The following ANKS1A variants were observed in gnomAD, a reference collection of about 807,000 sequenced individuals.
ANKS1A encodes ankyrin repeat and sterile alpha motif domain containing 1A.
In ANKS1A, 55 loss-of-function variants were observed where a neutral mutation model predicts 120.3. The observed-to-expected ratio is 0.46, with a 90% CI of 0.37 to 0.57. ANKS1A has a LOEUF of 0.57. Ranked by LOEUF, ANKS1A falls within the 20% of genes least tolerant of loss-of-function variation. The probability of loss-of-function intolerance (pLI) is 0.00; values close to 1 mark genes in which losing one functional copy is unlikely to be tolerated. For synonymous variants in ANKS1A, 590 were observed against 604.7 expected (o/e 0.98, Z 0.36); for missense variants, 1,123 against 1,480.3 (o/e 0.76, Z 3.96).
At chr6:34,947,964 C>G (rs2127490315) in intron 1 of ANKS1A, among the ~76,000 whole-genome samples, 1 of 152,090 alleles carries the variant, frequency 6.6e-6, no homozygotes. Context: ...TGGGATTAAA[C>G]TAAATTTAAA....
chr6:35,039,102 T>G (rs1775327950), intron 11 of ANKS1A, among the ~76,000 whole-genome samples: 1 of 150,838 alleles, frequency 6.6e-6, no homozygotes, highest in Non-Finnish European at 1.5e-5. Flanking sequence ...GGGGGGGGGT[T>G]ATATGCATTT....
At chr6:34,943,579 A>G (rs544068123) in intron 1 of ANKS1A, among the ~76,000 whole-genome samples, 73 of 152,240 alleles carry the variant, frequency 4.8e-4, no homozygotes, top group Admixed American at 7.9e-4. Context: ...TGCTCCATCT[A>G]TTCACCTGTC....
At chr6:34,944,148 G>T (rs557139078) in intron 1 of ANKS1A, among the ~76,000 whole-genome samples, 1 of 152,170 alleles carries the variant, frequency 6.6e-6, no homozygotes, top group Admixed American at 6.5e-5. Context: ...CATGGTGGTG[G>T]GTGCCTGTAG....
At chr6:34,991,132 C>T (rs1188617246) in intron 9 of ANKS1A, among the ~76,000 whole-genome samples, 1 of 152,074 alleles carries the variant, frequency 6.6e-6, no homozygotes, top group Non-Finnish European at 1.5e-5. Context: ...AGCTATCTGC[C>T]CCAATATTTG....
chr6:34,987,700 C>G (rs530611279), intron 8 of ANKS1A, among the ~76,000 whole-genome samples: 3 of 152,344 alleles, frequency 2.0e-5, no homozygotes, highest in South Asian at 2.1e-4. Flanking sequence ...GCAGTGAAGC[C>G]TGTTTTAAGA....
chr6:35,094,669 G>C (rs184611347), downstream of ANKS1A, among the ~76,000 whole-genome samples: 23 of 152,250 alleles, frequency 1.5e-4, no homozygotes, highest in African/African-American at 5.5e-4. Flanking sequence ...CTTAAGAGTG[G>C]AGTGGATGGG....
chr6:35,038,383 A>G (rs1034491702), intron 11 of ANKS1A: 1 of 454,192 alleles, frequency 2.2e-6, no homozygotes, highest in Non-Finnish European at 4.4e-6. Context: ...AGGAGAATGA[A>G]AGGAGAGAGT....
intron 14 of ANKS1A, 28 bp from the exon 15 acceptor site, chr6:35,079,488 C>G: frequency 6.2e-7 from 1 of 1,612,328 alleles, no homozygotes; most frequent in Non-Finnish European, 8.5e-7. Context: ...GCTGAGATGT[C>G]AGTTTCACCT....
intron 1 of ANKS1A, among the ~76,000 whole-genome samples, chr6:34,904,509 G>A (rs1408774174): frequency 7.2e-5 from 11 of 152,082 alleles, no homozygotes; most frequent in Non-Finnish European, 1.6e-4. Context: ...TGAGGTGGGC[G>A]GATCACGAGG....
intron 1 of ANKS1A, among the ~76,000 whole-genome samples, chr6:34,913,822 G>A (rs1768021115): frequency 6.6e-6 from 1 of 152,116 alleles, no homozygotes; most frequent in Middle Eastern, 3.4e-3. Flanking sequence ...TAGTAGAGAT[G>A]GGGTTTCACC....
At chr6:35,019,069 A>G (rs902821850) in intron 11 of ANKS1A, among the ~76,000 whole-genome samples, 1 of 152,178 alleles carries the variant, frequency 6.6e-6, no homozygotes, top group African/African-American at 2.4e-5. Flanking sequence ...TCAGAGGCCC[A>G]GTTTTCTTTC....
In ANKS1A at chr6:34,944,340, C is replaced by T. The variant is rs147379165; in HGVS notation, c.198-22899C>T. Among the ~76,000 whole-genome samples, 442 of 151,832 alleles carry T rather than the reference C, an allele frequency of 2.9e-3. 1 individual carries two copies. The highest frequency in any genetic ancestry group is 3.6e-3 in the Non-Finnish European group (243 of 67,980). ...CAGCAATGAATGAGAGTTCCTGTTGCTCCATATCCTCACTGTCATTTGGTG... is the reference window on the plus strand; with the variant it reads ...CAGCAATGAATGAGAGTTCCTGTTGTTCCATATCCTCACTGTCATTTGGTG... On this transcript the variant is annotated intron_variant, in intron 1 of 23. Coordinates refer to ENST00000360359, the MANE Select transcript of ANKS1A (RefSeq NM_015245.3).
chr6:35,081,733 C>T (rs566104657), intron 17 of ANKS1A, among the ~76,000 whole-genome samples: 8 of 152,350 alleles, frequency 5.3e-5, no homozygotes, highest in East Asian at 1.9e-4. Flanking sequence ...CCAGCCCTGG[C>T]GGAGGTGGGC....
chr6:35,079,426 A>G, intron 14 of ANKS1A, 90 bp from the exon 15 acceptor site: 1 of 1,532,154 alleles, frequency 6.5e-7, no homozygotes, highest in Non-Finnish European at 8.8e-7. Flanking sequence ...CCCTGGCCAC[A>G]GTCTGTGTGA....
intron 1 of ANKS1A, among the ~76,000 whole-genome samples, chr6:34,905,921 T>G (rs1256615793): frequency 6.6e-6 from 1 of 152,202 alleles, no homozygotes. Flanking sequence ...GTCTCTGTGC[T>G]TGAACTCTGA....
At chr6:34,962,057 G>A (rs1770665835) in intron 1 of ANKS1A, among the ~76,000 whole-genome samples, 1 of 152,210 alleles carries the variant, frequency 6.6e-6, no homozygotes, top group African/African-American at 2.4e-5. Context: ...GAAAATAAGT[G>A]TGACAATGGT....
intron 10 of ANKS1A, among the ~76,000 whole-genome samples, chr6:35,000,681 A>G (rs1278017404): frequency 6.6e-6 from 1 of 152,172 alleles, no homozygotes; most frequent in Non-Finnish European, 1.5e-5. Flanking sequence ...TATGCAAAAA[A>G]TGTTGTATAA....
chr6:34,919,625 G>T (rs1768336550), intron 1 of ANKS1A, among the ~76,000 whole-genome samples: 1 of 152,136 alleles, frequency 6.6e-6, no homozygotes, highest in African/African-American at 2.4e-5. Context: ...TCTGGAGGCT[G>T]TGTGGGTTCA....
chr6:34,933,700 C>T (rs184087409), intron 1 of ANKS1A, among the ~76,000 whole-genome samples: 1 of 152,318 alleles, frequency 6.6e-6, no homozygotes, highest in African/African-American at 2.4e-5. Context: ...AAGCAACTGC[C>T]CTTCCTTCAA....
Sources: gnomAD v4.1 joint callset for allele counts (sites outside exome capture counted in the v4.1 genomes callset) on GRCh38, gnomAD v4.1.1 for gene constraint, MANE v1.5 for transcripts, NCBI Gene and HGNC (gene_info 2026-07-23, HGNC 2026-07-21) for gene names.